Variants in PWP1 observed in about 807,000 individuals in gnomAD.
PWP1 encodes periodic tryptophan protein 1 homolog.
In PWP1, 47 loss-of-function variants were observed where a neutral mutation model predicts 69.9. The ratio of observed to expected loss-of-function variants is 0.67; its 90% confidence interval spans 0.53 to 0.86. PWP1 has a LOEUF of 0.86. PWP1 is among the 40% of genes least tolerant of loss of function. The probability of loss-of-function intolerance (pLI) is 0.00; values close to 1 mark genes in which losing one functional copy is unlikely to be tolerated. For synonymous variants in PWP1, 222 were observed against 208.2 expected, an observed-to-expected ratio of 1.07 and a Z score of -0.57; for missense variants, 551 against 608.8, an observed-to-expected ratio of 0.91 and a Z score of 1.00.
intron 1 of PWP1, chr12:107,686,255 G>T: frequency 1.9e-6 from 1 of 521,356 alleles, no homozygotes; most frequent in Non-Finnish European, 3.5e-6. Flanking sequence ...GGAAAGGGGT[G>T]GGCTGCTGTT....
At chr12:107,691,270 T>G (rs769842976) in intron 3 of PWP1, among the ~76,000 whole-genome samples, 6 of 152,218 alleles carry the variant, frequency 3.9e-5, no homozygotes, top group Non-Finnish European at 5.9e-5. Flanking sequence ...CAAGTTGATC[T>G]GCATGAGTGA....
chr12:107,696,229 C>T (rs1318171577), intron 5 of PWP1, among the ~76,000 whole-genome samples: 1 of 151,926 alleles, frequency 6.6e-6, no homozygotes, highest in Non-Finnish European at 1.5e-5. Context: ...GACGAGGTTT[C>T]ATTGTGTTGG....
chr12:107,698,439 G>C (rs1462436738), intron 7 of PWP1, among the ~76,000 whole-genome samples: 1 of 151,964 alleles, frequency 6.6e-6, no homozygotes, highest in African/African-American at 2.4e-5. Flanking sequence ...GGTGGGAGGA[G>C]TGCTTGAGCC....
intron 5 of PWP1, among the ~76,000 whole-genome samples, chr12:107,694,030 G>C (rs1438056678): frequency 1.3e-5 from 2 of 152,206 alleles, no homozygotes; most frequent in African/African-American, 4.8e-5. Flanking sequence ...ATGCTTTGCA[G>C]TAATCAGAAG....
rs1229708723 is a variant in PWP1, at chr12:107,685,945, G to A, written c.46G>A (p.Gly16Ser). ...QVTCVAWVRC[G>S]VAKETPDKVE... ...GACGTGCGTGGCCTGGGTCCGCTGC[G>A]GCGTGGCCAAAGAGACACCAGACAA... Residue 16 changes from glycine (G) to serine (S), a missense_variant, in exon 1 of 15, where the codon GGC becomes AGC. Gly to Ser is a moderately conservative substitution (Grantham distance 56, BLOSUM62 0). Transcript: ENST00000412830. 1 of 1,613,944 alleles carries A rather than the reference G, an allele frequency of 6.2e-7. No homozygotes were observed. Among genetic ancestry groups the A allele is most frequent in the Non-Finnish European group, 8.5e-7 (1 of 1,179,974 alleles).
intron 13 of PWP1, among the ~76,000 whole-genome samples, chr12:107,709,736 A>G (rs934270502): frequency 7.9e-5 from 12 of 152,142 alleles, no homozygotes; most frequent in Non-Finnish European, 1.6e-4. Flanking sequence ...ACTGAGTTAT[A>G]TAAGTTAGAC....
In PWP1 at chr12:107,712,920, A is replaced by G. The variant is rs910803701; in HGVS notation, c.*700A>G. On this transcript the variant is annotated 3_prime_UTR_variant, in exon 15 of 15. Coordinates refer to ENST00000412830, the MANE Select transcript of PWP1 (RefSeq NM_007062.3). ...AGTTTTAATTATAGATTGTCTTCCT[A>G]TTAAGTATGAGTTTTAGTAGGCATT... 4 of 152,234 alleles carry G rather than the reference A, an allele frequency of 2.6e-5. No homozygotes were observed. The highest frequency in any genetic ancestry group is 7.2e-5 in the African/African-American group (3 of 41,452). 9.4% of individuals were successfully genotyped at this position (152,234 alleles called of 1,614,324 possible). A position where few individuals can be genotyped will look rare whatever the true frequency, so the allele number is the denominator to read the frequency against.
chr12:107,712,265 A>AAAGTT lies in PWP1; in HGVS notation c.*46_*50dup. On this transcript the variant is annotated 3_prime_UTR_variant, in exon 15 of 15. Transcript: ENST00000412830. ...TGCTTACCTTAACTGGGAATTTTAAAAAGTTGGCCTAAAAATGTTCCATGC... is the reference window on the plus strand; with the variant it reads ...TGCTTACCTTAACTGGGAATTTTAAAAAGTTAAGTTGGCCTAAAAATGTTCCATGC... 1 of 1,512,238 alleles carries AAAGTT rather than the reference A, an allele frequency of 6.6e-7. No individual in the cohort carries two copies. The highest frequency in any genetic ancestry group is 9.2e-7 in the Non-Finnish European group (1 of 1,089,672). 93.7% of individuals were successfully genotyped at this position (1,512,238 alleles called of 1,614,324 possible). A position where few individuals can be genotyped will look rare whatever the true frequency, so the allele number is the denominator to read the frequency against.
intron 14 of PWP1, 42 bp downstream of exon 14, chr12:107,710,552 TAAA>T (rs35371581): frequency 0.013 from 14,626 of 1,141,912 alleles, no homozygotes; most frequent in East Asian, 0.062. Flanking sequence ...CCTGCCCCTG[TAAA>T]AAAAAAAAAA....
At chr12:107,706,316 T>A (rs949082398) in intron 11 of PWP1, among the ~76,000 whole-genome samples, 2 of 152,222 alleles carry the variant, frequency 1.3e-5, no homozygotes, top group African/African-American at 4.8e-5. Context: ...ATGAGTAGAT[T>A]GCAAAAATTT....
Position 107,693,116 on chromosome 12 carries a change from T to C in PWP1, c.502+20T>C, listed in dbSNP as rs2136273750. 1 of 1,571,032 alleles carries C rather than the reference T, an allele frequency of 6.4e-7. No homozygotes were observed. The highest frequency in any genetic ancestry group is 8.6e-7 in the Non-Finnish European group (1 of 1,162,144). On this transcript the variant is annotated intron_variant, in intron 5 of 14. Transcript: ENST00000412830. Reference sequence around the variant, plus strand: ...TGCATGGTAAGTGATAAATCCCTTATTAAAAGATTTTCTAAGTGATGGTAA... The same window carrying C: ...TGCATGGTAAGTGATAAATCCCTTACTAAAAGATTTTCTAAGTGATGGTAA...
At chr12:107,689,412 G>T (rs1045225720) in intron 3 of PWP1, among the ~76,000 whole-genome samples, 2 of 152,270 alleles carry the variant, frequency 1.3e-5, no homozygotes, top group African/African-American at 4.8e-5. Flanking sequence ...GATAAGGGGG[G>T]ACTACTGCCT....
chr12:107,699,208 G>C (rs1427141632), intron 7 of PWP1, among the ~76,000 whole-genome samples, 165 bp from the exon 8 acceptor site: 1 of 152,194 alleles, frequency 6.6e-6, no homozygotes, highest in African/African-American at 2.4e-5. Context: ...GCAGTGAGCT[G>C]AGATCGTGCA....
At chr12:107,710,965 G>A (rs1889940218) in intron 14 of PWP1, among the ~76,000 whole-genome samples, 1 of 152,144 alleles carries the variant, frequency 6.6e-6, no homozygotes, top group Non-Finnish European at 1.5e-5. Context: ...TGGCGCTAGA[G>A]GAATTAAAGA....
At chr12:107,710,553 A>G (rs759439163) in intron 14 of PWP1, 43 bp downstream of exon 14, 1 of 309,518 alleles carries the variant, frequency 3.2e-6, no homozygotes, top group Non-Finnish European at 4.2e-6. Flanking sequence ...CTGCCCCTGT[A>G]AAAAAAAAAA....
At position 107,685,807 on chromosome 12, in the gene PWP1, T is replaced by A. The variant is rs1889349528; in HGVS notation, c.-93T>A. Reference sequence around the variant, plus strand: ...ATGCGCTCTGCCCTGGCAGCGGCCCTGTGCAGATCCCTGAGCGTGTGGCAG... The same window carrying A: ...ATGCGCTCTGCCCTGGCAGCGGCCCAGTGCAGATCCCTGAGCGTGTGGCAG... On this transcript the variant is annotated 5_prime_UTR_variant, in exon 1 of 15. Transcript: ENST00000412830. 6.5e-6 allele frequency: 9 copies of A among 1,392,022 alleles called. No homozygotes were observed. The Admixed American group carries it at 7.0e-5, about 11-fold the overall frequency. 86.2% of individuals were successfully genotyped at this position (1,392,022 alleles called of 1,614,324 possible). A position where few individuals can be genotyped will look rare whatever the true frequency, so the allele number is the denominator to read the frequency against.
chr12:107,710,552 T>TAAAA (rs35371581), intron 14 of PWP1, 42 bp downstream of exon 14: 17,931 of 1,140,248 alleles, frequency 0.016, 18 homozygotes, highest in South Asian at 0.023. Flanking sequence ...CCTGCCCCTG[T>TAAAA]AAAAAAAAAA....
intron 5 of PWP1, among the ~76,000 whole-genome samples, chr12:107,695,526 G>A (rs951387419): frequency 1.3e-5 from 2 of 152,136 alleles, no homozygotes; most frequent in East Asian, 3.9e-4. Flanking sequence ...GTTCTGACTA[G>A]TGGGTTCTGT....
At chr12:107,691,336 G>A (rs189687869) in intron 3 of PWP1, among the ~76,000 whole-genome samples, 62 of 152,298 alleles carry the variant, frequency 4.1e-4, no homozygotes, top group Non-Finnish European at 2.5e-4. Context: ...AGACTTAATT[G>A]GGTCCCAGTA....
Sources: allele counts gnomAD v4.1 joint callset (sites outside exome capture counted in the v4.1 genomes callset), GRCh38; gene constraint gnomAD v4.1.1; transcripts MANE v1.5; gene names NCBI Gene and HGNC (gene_info 2026-07-23, HGNC 2026-07-21).